The following STRBP variants were observed in gnomAD, a reference collection of about 807,000 sequenced individuals.
STRBP encodes spermatid perinuclear RNA-binding protein.
STRBP carries 13 observed loss-of-function variants against 80.1 expected under a neutral mutation model. That is an observed-to-expected ratio of 0.16 (90% confidence interval 0.11 to 0.26). The LOEUF (loss-of-function observed/expected upper bound fraction) is 0.26, where lower values mean the gene tolerates loss of function less well. STRBP is among the 10% of genes least tolerant of loss of function. The pLI, the probability that STRBP is intolerant of heterozygous loss-of-function variation, is 1.00. For missense variants in STRBP, 485 were observed against 815.2 expected, an observed-to-expected ratio of 0.59 and a Z score of 4.93; for synonymous variants, 284 against 291.2, an observed-to-expected ratio of 0.98 and a Z score of 0.25.
downstream of STRBP, among the ~76,000 whole-genome samples, chr9:123,119,415 A>G (rs1260899446): frequency 1.6e-5 from 2 of 121,472 alleles, no homozygotes; most frequent in African/African-American, 6.3e-5. Context: ...ACAAGTATTT[A>G]CAAACCCTTG....
intron 11 of STRBP, among the ~76,000 whole-genome samples, chr9:123,152,868 C>T (rs903122252): frequency 6.6e-6 from 1 of 152,102 alleles, no homozygotes; most frequent in Non-Finnish European, 1.5e-5. Flanking sequence ...CTTACACACA[C>T]GCACTGTATC....
rs994480257 is a variant in STRBP at position 123,146,835 on chromosome 9, A to G, written c.1338+20T>C. 4 of 1,574,318 alleles carry G rather than the reference A, an allele frequency of 2.5e-6. No individual in the cohort carries two copies. Among genetic ancestry groups the G allele is most frequent in the African/African-American group, 1.3e-5 (1 of 74,380 alleles). On this transcript the variant is annotated intron_variant, in intron 13 of 18. Transcript: ENST00000348403. ...GAACATAAAATAAGAAAGCATTGCA[A>G]AGTAAAACAAATACTGTACCTTCAC...
Position 123,247,826 on chromosome 9 carries a change from G to A in STRBP, c.-301-10860C>T, listed in dbSNP as rs191366203. On this transcript the variant is annotated intron_variant, in intron 1 of 18. Transcript: ENST00000348403. The stretch of plus-strand genomic sequence containing the variant: ...CACACGGATGGAGAATTTAGATGTC[G>A]TATGTAACTAAAATATATCTTAACA... Among the ~76,000 whole-genome samples, 33 of 152,258 alleles carry A rather than the reference G, an allele frequency of 2.2e-4. No individual in the cohort carries two copies. In the East Asian group the frequency reaches 5.4e-3, roughly 25 times the overall value.
At chr9:123,247,093 CCAAT>C (rs1356693154) in intron 1 of STRBP, among the ~76,000 whole-genome samples, 1 of 151,928 alleles carries the variant, frequency 6.6e-6, no homozygotes, top group Non-Finnish European at 1.5e-5. Context: ...TGAAAAAATA[CCAAT>C]CAATGAATTT....
chr9:123,125,274 C>G lies in STRBP; in HGVS notation c.*323G>C. The G allele has an allele frequency of 9.7e-7, 1 of 1,030,692 alleles. No homozygotes were observed. The highest frequency in any genetic ancestry group is 1.2e-6 in the Non-Finnish European group (1 of 858,842). The allele number at this position is 1,030,692 out of a possible 1,614,324, so 63.8% of individuals were successfully genotyped here. A position where few individuals can be genotyped will look rare whatever the true frequency, so the allele number is the denominator to read the frequency against. ...TGTTTGAGACTCTATACATCCTTCA[C>G]AAATTTAATTTTACATAATCTGATA... On this transcript the variant is annotated 3_prime_UTR_variant, in exon 19 of 19. Coordinates refer to ENST00000348403, the MANE Select transcript of STRBP (RefSeq NM_018387.5).
rs1000533173 is a variant in STRBP at position 123,136,656 on chromosome 9, C to A, written c.1498-141G>T. On this transcript the variant is annotated intron_variant, in intron 14 of 18. Coordinates refer to ENST00000348403, the MANE Select transcript of STRBP (RefSeq NM_018387.5). This position sits in a 1 kb window ranked among gnomAD's most constrained non-coding sequence, Gnocchi z 4.2. The stretch of plus-strand genomic sequence containing the variant: ...GGGGCTAGAATGAGTCACCTCTTTA[C>A]ACAAATGGCAAAATATCATTAAAGC... 2.4e-5 allele frequency: 22 copies of A among 933,406 alleles called. No homozygotes were observed. In the East Asian group the frequency reaches 5.8e-4, roughly 25 times the overall value. 57.8% of individuals were successfully genotyped at this position (933,406 alleles called of 1,614,324 possible).
chr9:123,263,046 C>A (rs1268978516), intron 1 of STRBP, among the ~76,000 whole-genome samples: 2 of 152,200 alleles, frequency 1.3e-5, no homozygotes, highest in African/African-American at 4.8e-5. Context: ...CTTAGAATTA[C>A]TAGTCAGAAA....
intron 2 of STRBP, among the ~76,000 whole-genome samples, chr9:123,224,064 A>G (rs1274379827): frequency 6.6e-6 from 1 of 152,220 alleles, no homozygotes; most frequent in Non-Finnish European, 1.5e-5. Flanking sequence ...TCCGAGTTCC[A>G]CAAAATTCAA....
chr9:123,251,590 T>C (rs1351708143), intron 1 of STRBP, among the ~76,000 whole-genome samples: 1 of 152,170 alleles, frequency 6.6e-6, no homozygotes, highest in Non-Finnish European at 1.5e-5. Flanking sequence ...AGCTTTTTCA[T>C]GTACAAGATA....
At chr9:123,213,014 G>A (rs985116676) in intron 2 of STRBP, among the ~76,000 whole-genome samples, 5 of 152,306 alleles carry the variant, frequency 3.3e-5, no homozygotes, top group African/African-American at 1.2e-4. Flanking sequence ...GGAGACCAGG[G>A]CTATAGTGTT....
At chr9:123,176,090 T>C (rs1389030633) in intron 4 of STRBP, among the ~76,000 whole-genome samples, 2 of 152,250 alleles carry the variant, frequency 1.3e-5, no homozygotes, top group African/African-American at 4.8e-5. Flanking sequence ...AGTGAGAATA[T>C]ATGTTAACAA....
At chr9:123,164,426 A>G (rs1421169901) in intron 6 of STRBP, among the ~76,000 whole-genome samples, 1 of 152,208 alleles carries the variant, frequency 6.6e-6, no homozygotes, top group Non-Finnish European at 1.5e-5. Context: ...TTCTAGCAAC[A>G]GAAGCACTAG....
At position 123,239,380 on chromosome 9, in the gene STRBP, C is replaced by CA. The variant is rs1243504131; in HGVS notation, c.-301-2415dup. Among the ~76,000 whole-genome samples the CA allele has an allele frequency of 1.2e-3, 176 of 143,380 alleles. 1 individual carries two copies. Among genetic ancestry groups the CA allele is most frequent in the Admixed American group, 2.6e-3 (38 of 14,430 alleles). The allele number at this position is 143,380 out of a possible 152,430, so 94.1% of individuals were successfully genotyped here. A position where few individuals can be genotyped will look rare whatever the true frequency, so the allele number is the denominator to read the frequency against. ...ACAGAGCGAGACTCTGTCTCAAAAACAAAAAAAAAAATGGAATGCCTATCG... is the reference window on the plus strand; with the variant it reads ...ACAGAGCGAGACTCTGTCTCAAAAACAAAAAAAAAAAATGGAATGCCTATCG... On this transcript the variant is annotated intron_variant, in intron 1 of 18. Coordinates refer to ENST00000348403, the MANE Select transcript of STRBP (RefSeq NM_018387.5).
chr9:123,218,199 A>T (rs1466365592), intron 2 of STRBP, among the ~76,000 whole-genome samples: 3 of 152,178 alleles, frequency 2.0e-5, no homozygotes, highest in African/African-American at 7.2e-5. Flanking sequence ...TTCTTAGCAT[A>T]GAATGTTTTC....
chr9:123,238,405 T>C (rs1300688868), intron 1 of STRBP, among the ~76,000 whole-genome samples: 1 of 152,248 alleles, frequency 6.6e-6, no homozygotes, highest in Non-Finnish European at 1.5e-5. Context: ...CAAAATGTTC[T>C]AGGAGATATA....
intron 1 of STRBP, among the ~76,000 whole-genome samples, chr9:123,246,046 G>A (rs949580174): frequency 1.3e-4 from 20 of 152,152 alleles, no homozygotes; most frequent in African/African-American, 4.1e-4. Context: ...ACTTCTGTAA[G>A]TACAAAAATG....
chr9:123,226,356 TATTC>T (rs1464137469), intron 2 of STRBP, among the ~76,000 whole-genome samples: 30 of 152,352 alleles, frequency 2.0e-4, no homozygotes, highest in African/African-American at 6.7e-4. Context: ...TATTTTACTA[TATTC>T]AAAGTATACG....
At chr9:123,222,574 G>A (rs1302540314) in intron 2 of STRBP, among the ~76,000 whole-genome samples, 1 of 152,056 alleles carries the variant, frequency 6.6e-6, no homozygotes. Context: ...AAACTGTTGG[G>A]AATTAAAAAG....
Position 123,265,801 on chromosome 9 carries a change from G to A in STRBP, c.-302+2635C>T, listed in dbSNP as rs1184125918. On this transcript the variant is annotated intron_variant, in intron 1 of 18. Coordinates refer to ENST00000348403, the MANE Select transcript of STRBP (RefSeq NM_018387.5). ...TCCCAACTCAAATCAAAATACCAGA[G>A]AATCCAAAAGCCTCCAACTAAATTT... Among the ~76,000 whole-genome samples the A allele has an allele frequency of 2.0e-5, 3 of 152,136 alleles. No individual in the cohort carries two copies. The East Asian group carries it at 5.8e-4, about 29-fold the overall frequency.
Sources: gnomAD v4.1 joint callset for allele counts (sites outside exome capture counted in the v4.1 genomes callset) on GRCh38, gnomAD v4.1.1 for gene constraint, Gnocchi (gnomAD v3.1) non-coding constraint, MANE v1.5 for transcripts, NCBI Gene and HGNC (gene_info 2026-07-23, HGNC 2026-07-21) for gene names.